The following ARHGEF33 variants were observed in gnomAD, a reference collection of about 807,000 sequenced individuals.
The protein encoded by ARHGEF33 is DH and coiled-coil domain-containing protein ENSP00000381780.
In ARHGEF33, 72 loss-of-function variants were observed where a neutral mutation model predicts 101.9. The ratio of observed to expected loss-of-function variants is 0.71; its 90% CI spans 0.58 to 0.86. The LOEUF is 0.86. ARHGEF33 is among the 40% of genes least tolerant of loss of function. ARHGEF33 has a pLI of 0.00. For missense variants in ARHGEF33, 1,169 were observed against 1,111.3 expected (o/e 1.05, Z -0.74); for synonymous variants, 499 against 442.5 (o/e 1.13, Z -1.60).
intron 1 of ARHGEF33, among the ~76,000 whole-genome samples, chr2:38,891,064 A>G (rs3099954): frequency 1 from 151,242 of 151,418 alleles, 75,533 homozygotes; most frequent in Middle Eastern, 1. Flanking sequence ...CCCACAGGTA[A>G]CTGAGACCAC....
In ARHGEF33 at chr2:38,955,749, T is replaced by G. The variant is rs182061072; in HGVS notation, c.1222-1150T>G. On this transcript the variant is annotated intron_variant, in intron 13 of 17. Transcript: ENST00000409978. ...TGGAGTGCAGTGGCATGATCTCAGCTCACTGCAACCTCCGCCTCCCGGGTT... is the reference window on the plus strand; with the variant it reads ...TGGAGTGCAGTGGCATGATCTCAGCGCACTGCAACCTCCGCCTCCCGGGTT... Among the ~76,000 whole-genome samples, 309 of 152,200 alleles carry G rather than the reference T, an allele frequency of 2.0e-3. 6 individuals are homozygous for G. In the East Asian group the frequency reaches 0.033, roughly 16 times the overall value.
chr2:38,966,619 C>T (rs916671450), intron 17 of ARHGEF33, among the ~76,000 whole-genome samples: 5 of 152,206 alleles, frequency 3.3e-5, no homozygotes, highest in African/African-American at 1.2e-4. Context: ...ATTAGGACTT[C>T]TGTTAGTGCT....
At chr2:38,939,662 T>A (rs1299522345) in intron 9 of ARHGEF33, among the ~76,000 whole-genome samples, 1 of 152,166 alleles carries the variant, frequency 6.6e-6, no homozygotes, top group Non-Finnish European at 1.5e-5. Flanking sequence ...ATTGCCCAAC[T>A]TTTTTTGAAG....
chr2:38,966,438 T>C (rs527670655), intron 17 of ARHGEF33, among the ~76,000 whole-genome samples: 18 of 152,254 alleles, frequency 1.2e-4, no homozygotes, highest in Non-Finnish European at 2.2e-4. Context: ...CCTTGAGAAA[T>C]GAGCTGGTGA....
chr2:38,959,982 CGCG>C lies in ARHGEF33; in HGVS notation c.1680_1682del (p.Ala561del). The C allele has an allele frequency of 6.4e-7, 1 of 1,550,898 alleles. No homozygotes were observed. Among genetic ancestry groups the C allele is most frequent in the Non-Finnish European group, 8.7e-7 (1 of 1,146,728 alleles). ...GCCTTCTGGCACCGACGCAGTTCTGCGCGGCCGAGCAGGACGTGAAGGCGCTGG... is the reference window on the plus strand; with the variant it reads ...GCCTTCTGGCACCGACGCAGTTCTGCGCCGAGCAGGACGTGAAGGCGCTGG... On this transcript the variant is annotated inframe_deletion, in exon 16 of 18. Transcript: ENST00000409978.
At chr2:38,904,168 AG>A (rs1558423510) in intron 2 of ARHGEF33, among the ~76,000 whole-genome samples, 1 of 152,212 alleles carries the variant, frequency 6.6e-6, no homozygotes, top group Non-Finnish European at 1.5e-5. Context: ...ATTGGATTGA[AG>A]GGGGAAAGTT....
chr2:38,904,816 G>A (rs11124655), intron 2 of ARHGEF33, among the ~76,000 whole-genome samples: 88,405 of 151,976 alleles, frequency 0.58, 27,378 homozygotes, highest in East Asian at 0.81. Flanking sequence ...ACAATCTACT[G>A]GCAGTGAAGA....
Position 38,959,981 on chromosome 2 carries a change from G to C in ARHGEF33, c.1676G>C (p.Cys559Ser). ...PESLLAPTQFCAAEQDVKALA... is the reference protein window; with the variant it reads ...PESLLAPTQFSAAEQDVKALA... ...AGCCTTCTGGCACCGACGCAGTTCT[G>C]CGCGGCCGAGCAGGACGTGAAGGCG... The change falls in exon 16 of 18, where the codon TGC (cysteine) becomes TCC (serine). Residue 559 changes from cysteine (C) to serine (S), a missense_variant. Coordinates refer to ENST00000409978, the MANE Select transcript of ARHGEF33 (RefSeq NM_001145451.5). 1 of 1,550,952 alleles carries C rather than the reference G, an allele frequency of 6.4e-7. No homozygotes were observed. Among genetic ancestry groups the C allele is most frequent in the Non-Finnish European group, 8.7e-7 (1 of 1,146,746 alleles).
intron 10 of ARHGEF33, among the ~76,000 whole-genome samples, chr2:38,946,165 A>G (rs538980214): frequency 1.3e-3 from 198 of 152,358 alleles, no homozygotes; most frequent in African/African-American, 4.4e-3. Flanking sequence ...AGCCTCCAGC[A>G]GGCGGGAGGT....
At chr2:38,937,710 A>G (rs1572759577) in intron 9 of ARHGEF33, among the ~76,000 whole-genome samples, 151 bp downstream of exon 9, 1 of 152,230 alleles carries the variant, frequency 6.6e-6, no homozygotes, top group Admixed American at 6.5e-5. Context: ...ACTAAAGCCT[A>G]TAGAGGTAAA....
chr2:38,914,401 C>A (rs987484515), intron 2 of ARHGEF33, among the ~76,000 whole-genome samples: 1 of 152,200 alleles, frequency 6.6e-6, no homozygotes, highest in Non-Finnish European at 1.5e-5. Context: ...AATGTGGTGG[C>A]TCACGCCTGT....
At chr2:38,944,094 G>T in intron 10 of ARHGEF33, 64 bp downstream of exon 10, 3 of 1,477,554 alleles carry the variant, frequency 2.0e-6, no homozygotes, top group Non-Finnish European at 1.8e-6. Context: ...GTGGTTTATT[G>T]TTTCCACTTT....
rs144205521 is a variant in ARHGEF33 at position 38,894,616 on chromosome 2, G to A, written c.-158-1161G>A. ...GCCATCCTTAGTATATCACCTCTTG[G>A]TCCAAGACAGTTGCTAGGTCTCCAC... On this transcript the variant is annotated intron_variant, in intron 1 of 17. Transcript: ENST00000409978. 1.2e-3 allele frequency among the ~76,000 whole-genome samples: 179 copies of A among 152,218 alleles called. 1 individual carries two copies. The highest frequency in any genetic ancestry group is 4.2e-3 in the African/African-American group (173 of 41,524).
intron 16 of ARHGEF33, among the ~76,000 whole-genome samples, 163 bp downstream of exon 16, chr2:38,960,811 A>G (rs1667915365): frequency 6.6e-6 from 1 of 151,922 alleles, no homozygotes; most frequent in Non-Finnish European, 1.5e-5. Context: ...GAGCAGGGGC[A>G]GCCCCCGCGC....
intron 9 of ARHGEF33, among the ~76,000 whole-genome samples, chr2:38,938,538 CA>C (rs924809051): frequency 6.6e-6 from 1 of 151,968 alleles, no homozygotes; most frequent in Non-Finnish European, 1.5e-5. Context: ...GACCCTAACT[CA>C]AAAAAATAAA....
chr2:38,955,720 A>G (rs1467461383), intron 13 of ARHGEF33, among the ~76,000 whole-genome samples: 1 of 151,734 alleles, frequency 6.6e-6, no homozygotes. Flanking sequence ...TCTGTCGCCC[A>G]GGCTGGAGTG....
chr2:38,974,560 T>TCCAC lies in ARHGEF33; in HGVS notation c.*717_*718insCCAC, dbSNP rs1381631028. 6.6e-6 allele frequency: 1 copy of TCCAC among 152,206 alleles called. No homozygotes were observed. Among genetic ancestry groups the TCCAC allele is most frequent in the Non-Finnish European group, 1.5e-5 (1 of 68,034 alleles). 9.4% of individuals were successfully genotyped at this position (152,206 alleles called of 1,614,324 possible). On this transcript the variant is annotated 3_prime_UTR_variant, in exon 18 of 18. Coordinates refer to ENST00000409978, the MANE Select transcript of ARHGEF33 (RefSeq NM_001145451.5). ...GAAGGCAAAGAAACATTTTCCCTTG[T>TCCAC]GTGGGTTGAGCTGAGGATGGAAACA... is the stretch of plus-strand genomic sequence containing the variant.
chr2:38,963,784 C>T (rs1667995945), intron 16 of ARHGEF33, among the ~76,000 whole-genome samples: 1 of 151,952 alleles, frequency 6.6e-6, no homozygotes, highest in Non-Finnish European at 1.5e-5. Flanking sequence ...GGATCATTCG[C>T]GGTGATTGAT....
chr2:38,953,095 ACT>A, intron 11 of ARHGEF33, 65 bp from the exon 12 acceptor site: 2 of 754,956 alleles, frequency 2.6e-6, no homozygotes, highest in East Asian at 2.7e-5. Flanking sequence ...TACATATATG[ACT>A]CTATAAAAAT....
Sources: gnomAD v4.1 joint callset for allele counts (sites outside exome capture counted in the v4.1 genomes callset) on GRCh38, gnomAD v4.1.1 for gene constraint, MANE v1.5 for transcripts, NCBI Gene and HGNC (gene_info 2026-07-23, HGNC 2026-07-21) for gene names.